The following WNT9A variants were observed in gnomAD, a reference collection of about 807,000 sequenced individuals.
WNT9A encodes Wnt family member 9A.
Under a neutral mutation model 31.4 loss-of-function variants are expected in WNT9A, and 8 were observed. The observed-to-expected ratio is 0.26, with a 90% CI of 0.15 to 0.46. The LOEUF (loss-of-function observed/expected upper bound fraction) is 0.46, where lower values mean the gene tolerates loss of function less well. Ranked by LOEUF, WNT9A falls within the 20% of genes least tolerant of loss-of-function variation. The pLI is 0.99. For missense variants in WNT9A, 457 were observed against 522.9 expected, an observed-to-expected ratio of 0.87 and a Z score of 1.23; for synonymous variants, 236 against 220.1, an observed-to-expected ratio of 1.07 and a Z score of -0.64.
At chr1:227,941,066 C>T (rs1006126862) in intron 1 of WNT9A, among the ~76,000 whole-genome samples, 10 of 152,272 alleles carry the variant, frequency 6.6e-5, no homozygotes, top group Admixed American at 5.9e-4. Flanking sequence ...CCTGGCCTAT[C>T]GTCCACACAC....
chr1:227,934,435 C>T (rs1666557149), intron 1 of WNT9A, among the ~76,000 whole-genome samples: 1 of 152,154 alleles, frequency 6.6e-6, no homozygotes, highest in Non-Finnish European at 1.5e-5. Flanking sequence ...TAATTGCTTT[C>T]TCCTGTTTTT....
At position 227,928,853 on chromosome 1, in the gene WNT9A, A is replaced by C. The variant is rs1469378795; in HGVS notation, c.96-3334T>G. On this transcript the variant is annotated intron_variant, in intron 1 of 3. Transcript: ENST00000272164. This position sits in a 1 kb window ranked among gnomAD's most constrained non-coding sequence, Gnocchi z 4.5. Reference sequence around the variant, plus strand: ...AGACTCAGAACTCAGAAGTCACTGAAAAGTGAATATATTTGACTACTTAAA... The same window carrying C: ...AGACTCAGAACTCAGAAGTCACTGACAAGTGAATATATTTGACTACTTAAA... Among the ~76,000 whole-genome samples, 1 of 152,212 alleles carries C rather than the reference A, an allele frequency of 6.6e-6. No homozygotes were observed. The highest frequency in any genetic ancestry group is 1.5e-5 in the Non-Finnish European group (1 of 68,020).
In WNT9A at chr1:227,947,894, G is replaced by C. The variant is rs1001652593; in HGVS notation, c.-7C>G. The C allele has an allele frequency of 9.4e-7, 1 of 1,066,474 alleles. No individual in the cohort carries two copies. The highest frequency in any genetic ancestry group is 6.4e-5 in the East Asian group (1 of 15,574). The allele number at this position is 1,066,474 out of a possible 1,614,324, so 66.1% of individuals were successfully genotyped here. A position where few individuals can be genotyped will look rare whatever the true frequency, so the allele number is the denominator to read the frequency against. On this transcript the variant is annotated 5_prime_UTR_variant, in exon 1 of 4. Coordinates refer to ENST00000272164, the MANE Select transcript of WNT9A (RefSeq NM_003395.4). ...GCGGGGACCCATCCAGCATCTTGCC[G>C]CGCCTCGGCGGCCGACCATCGCGCT...
intron 1 of WNT9A, among the ~76,000 whole-genome samples, chr1:227,932,748 AC>A (rs1472551214): frequency 1.3e-5 from 2 of 152,188 alleles, no homozygotes; most frequent in South Asian, 2.1e-4. Flanking sequence ...GCACATCTCC[AC>A]CAGAGCTCTT....
At position 227,932,563 on chromosome 1, in the gene WNT9A, AG is replaced by A. The variant is rs1347245951; in HGVS notation, c.96-7045del. On this transcript the variant is annotated intron_variant, in intron 1 of 3. Coordinates refer to ENST00000272164, the MANE Select transcript of WNT9A (RefSeq NM_003395.4). Reference sequence around the variant, plus strand: ...TCTAGAATGGTGAATCCTTTCCAGCAGGTTTTCAATAGACTTTTCCTAGATC... The same window carrying A: ...TCTAGAATGGTGAATCCTTTCCAGCAGTTTTCAATAGACTTTTCCTAGATC... Among the ~76,000 whole-genome samples, 4 of 152,348 alleles carry A rather than the reference AG, an allele frequency of 2.6e-5. No homozygotes were observed. In the East Asian group the frequency reaches 7.7e-4, roughly 29 times the overall value.
Position 227,931,720 on chromosome 1 carries a change from A to G in WNT9A, c.96-6201T>C, listed in dbSNP as rs569796043. Among the ~76,000 whole-genome samples the G allele has an allele frequency of 6.6e-5, 10 of 152,336 alleles. No individual in the cohort carries two copies. The South Asian group carries it at 2.1e-3, about 32-fold the overall frequency. On this transcript the variant is annotated intron_variant, in intron 1 of 3. Coordinates refer to ENST00000272164, the MANE Select transcript of WNT9A (RefSeq NM_003395.4). The stretch of plus-strand genomic sequence containing the variant: ...GCATTATGTCTTAAAAATAATACAT[A>G]TACTTTAGTTAAAAACACTGGACTG...
chr1:227,935,873 T>C (rs1005729770), intron 1 of WNT9A, among the ~76,000 whole-genome samples: 1 of 152,242 alleles, frequency 6.6e-6, no homozygotes, highest in East Asian at 1.9e-4. Flanking sequence ...TGCTGGTTAG[T>C]GCCTTCTCTA....
intron 1 of WNT9A, among the ~76,000 whole-genome samples, chr1:227,944,115 A>G (rs564944804): frequency 3.3e-5 from 5 of 152,328 alleles, no homozygotes; most frequent in Admixed American, 2.6e-4. Flanking sequence ...CATCATAGCC[A>G]AACAGTGGAA....
chr1:227,922,975 T>C (rs1048172201), intron 3 of WNT9A, among the ~76,000 whole-genome samples: 15 of 152,196 alleles, frequency 9.9e-5, no homozygotes, highest in Admixed American at 6.5e-4. Flanking sequence ...TGACCCAGGC[T>C]CTGTGGAGCT....
chr1:227,946,062 A>C (rs1666788373), intron 1 of WNT9A, among the ~76,000 whole-genome samples: 1 of 152,220 alleles, frequency 6.6e-6, no homozygotes, highest in African/African-American at 2.4e-5. Flanking sequence ...AGGACTCAGG[A>C]ATTCTCCCTT....
intron 1 of WNT9A, among the ~76,000 whole-genome samples, chr1:227,935,700 T>C (rs1441123965): frequency 1.3e-5 from 2 of 152,248 alleles, no homozygotes; most frequent in East Asian, 3.8e-4. Flanking sequence ...TGACCATGCC[T>C]GTCCTGGGTT....
intron 1 of WNT9A, among the ~76,000 whole-genome samples, chr1:227,930,691 C>T (rs1337360920): frequency 2.0e-5 from 3 of 152,202 alleles, no homozygotes; most frequent in Non-Finnish European, 4.4e-5. Flanking sequence ...GCCACAGAGG[C>T]GCCCTTTGGT....
At position 227,920,477 on chromosome 1, in the gene WNT9A, A is replaced by G. The variant is rs1666292657; in HGVS notation, c.*1041T>C. The G allele has an allele frequency of 6.6e-6, 1 of 152,228 alleles. No individual in the cohort carries two copies. The highest frequency in any genetic ancestry group is 2.1e-4 in the South Asian group (1 of 4,836). The allele number at this position is 152,228 out of a possible 1,614,324, so 9.4% of individuals were successfully genotyped here. ...ATTAGTTAAATAATCATAATAATTT[A>G]AAAGTCACTGATATTTACTCCAAAG... On this transcript the variant is annotated 3_prime_UTR_variant, in exon 4 of 4. Coordinates refer to ENST00000272164, the MANE Select transcript of WNT9A (RefSeq NM_003395.4).
At chr1:227,946,747 G>C (rs981786688) in intron 1 of WNT9A, among the ~76,000 whole-genome samples, 4 of 152,358 alleles carry the variant, frequency 2.6e-5, no homozygotes, top group African/African-American at 9.6e-5. Flanking sequence ...CTCCCTGCCC[G>C]GGCGGGTGCC....
Position 227,921,464 on chromosome 1 carries a change from A to G in WNT9A, c.*54T>C. On this transcript the variant is annotated 3_prime_UTR_variant, in exon 4 of 4. Transcript: ENST00000272164. Reference sequence around the variant, plus strand: ...CAGCCTGTGCAGGTGTAGACCCTTCACACCGTGTGCAATGCCTGCACCCTG... The same window carrying G: ...CAGCCTGTGCAGGTGTAGACCCTTCGCACCGTGTGCAATGCCTGCACCCTG... The G allele has an allele frequency of 1.3e-6, 2 of 1,566,652 alleles. No individual in the cohort carries two copies. Among genetic ancestry groups the G allele is most frequent in the South Asian group, 2.4e-5 (2 of 82,294 alleles).
chr1:227,923,049 G>A (rs896075393), intron 3 of WNT9A, among the ~76,000 whole-genome samples: 9 of 152,208 alleles, frequency 5.9e-5, no homozygotes, highest in Non-Finnish European at 1.2e-4. Flanking sequence ...GAGGGGAAGG[G>A]GGGTCATACA....
rs1189187329 is a variant in WNT9A at position 227,925,024 on chromosome 1, C to T, written c.352+239G>A. 6.6e-6 allele frequency among the ~76,000 whole-genome samples: 1 copy of T among 151,892 alleles called. No homozygotes were observed. The highest frequency in any genetic ancestry group is 1.5e-5 in the Non-Finnish European group (1 of 67,916). ...GGTAGCCTGGGGCCCCGTCAAAGGCCGAGTCAGCATGCCCTGGCCACCAGC... is the reference window on the plus strand; with the variant it reads ...GGTAGCCTGGGGCCCCGTCAAAGGCTGAGTCAGCATGCCCTGGCCACCAGC... On this transcript the variant is annotated intron_variant, in intron 2 of 3. Coordinates refer to ENST00000272164, the MANE Select transcript of WNT9A (RefSeq NM_003395.4). This position sits in a 1 kb window ranked among gnomAD's most constrained non-coding sequence, Gnocchi z 6.0.
intron 1 of WNT9A, among the ~76,000 whole-genome samples, chr1:227,937,411 G>A (rs547626344): frequency 5.3e-5 from 8 of 152,356 alleles, no homozygotes; most frequent in Admixed American, 1.3e-4. Context: ...TACAGTAGGT[G>A]GAATGGTGTC....
chr1:227,941,953 T>C (rs1369569206), intron 1 of WNT9A, among the ~76,000 whole-genome samples: 1 of 151,964 alleles, frequency 6.6e-6, no homozygotes, highest in Non-Finnish European at 1.5e-5. Context: ...CCCACAGGCA[T>C]CACCTCCTCC....
Sources: allele counts gnomAD v4.1 joint callset (sites outside exome capture counted in the v4.1 genomes callset), GRCh38; gene constraint gnomAD v4.1.1; non-coding constraint Gnocchi (gnomAD v3.1); transcripts MANE v1.5; gene names NCBI Gene and HGNC (gene_info 2026-07-23, HGNC 2026-07-21).